The following SVEP1 variants were observed in gnomAD, a reference collection of about 807,000 sequenced individuals.
SVEP1 encodes sushi, von Willebrand factor type A, EGF and pentraxin domain-containing protein 1.
In SVEP1, 164 loss-of-function variants were observed where a neutral mutation model predicts 367.3. The ratio of observed to expected loss-of-function variants is 0.45; its 90% CI spans 0.39 to 0.51. The LOEUF is 0.51. Ranked by LOEUF, SVEP1 falls within the 20% of genes least tolerant of loss-of-function variation. The pLI is 0.00. For synonymous variants in SVEP1, 1,666 were observed against 1,611.6 expected (o/e 1.03, Z -0.81); for missense variants, 4,117 against 4,425.3 (o/e 0.93, Z 1.98).
At chr9:110,458,311 A>G (rs947898927) in intron 20 of SVEP1, among the ~76,000 whole-genome samples, 160 bp downstream of exon 20, 1 of 152,260 alleles carries the variant, frequency 6.6e-6, no homozygotes, top group Non-Finnish European at 1.5e-5. Flanking sequence ...GGAATGTTCT[A>G]AACAGGAGTC....
chr9:110,390,282 TATAC>T (rs1827626082), intron 40 of SVEP1, among the ~76,000 whole-genome samples: 5 of 42,474 alleles, frequency 1.2e-4, no homozygotes, highest in South Asian at 6.2e-4. Context: ...TACTTATATA[TATAC>T]ATACTTATAT....
chr9:110,526,815 C>T (rs1829945058), intron 3 of SVEP1, among the ~76,000 whole-genome samples: 1 of 152,026 alleles, frequency 6.6e-6, no homozygotes. Context: ...AACTGTGGTA[C>T]ATTTATACTA....
rs771866353 is a variant in SVEP1, at chr9:110,443,581, C to T, written c.4603G>A (p.Gly1535Ser). The T allele has an allele frequency of 1.5e-5, 24 of 1,611,866 alleles. No homozygotes were observed. Among genetic ancestry groups the T allele is most frequent in the African/African-American group, 4.0e-5 (3 of 74,856 alleles). ...AAACCAACAGAGAGGCCAGCACCACCGTCAGATAATTTCCCATCGATATAG... is the reference window on the plus strand; with the variant it reads ...AAACCAACAGAGAGGCCAGCACCACTGTCAGATAATTTCCCATCGATATAG... ...KVYIDGKLSD[G>S]GAGLSVGLPI... Residue 1535 changes from glycine to serine, a missense_variant, in exon 27 of 48, where the codon GGT becomes AGT. Physicochemically the swap from Gly to Ser is moderately conservative, Grantham distance 56 (BLOSUM62 0). Transcript: ENST00000374469.
rs748176875 is a variant in SVEP1, at chr9:110,499,187, T to C, written c.1535A>G (p.His512Arg). ...TTTGGCTGGCTGCTTGCCACAGTTG[T>C]GGGGGGATATGATGACATCTTTGGG... ...QMPKDVIISP[H>R]NCGKQPAKFG... The change falls in exon 7 of 48, where the codon CAC becomes CGC. Residue 512 changes from histidine to arginine, a missense_variant. His to Arg is a conservative substitution (Grantham distance 29). Around this residue, in one of 4 missense-constraint regions of SVEP1, gnomAD observed 2,174 missense variants for 2,494.3 expected, o/e 0.87. Transcript: ENST00000374469. 1.2e-6 allele frequency: 2 copies of C among 1,613,268 alleles called. No homozygotes were observed. The highest frequency in any genetic ancestry group is 2.7e-5 in the African/African-American group (2 of 74,830).
At chr9:110,397,892 AATATCATGAAAATGGCCATGCTGCC>A (rs1324869552) in intron 40 of SVEP1, among the ~76,000 whole-genome samples, 1 of 152,038 alleles carries the variant, frequency 6.6e-6, no homozygotes, top group Non-Finnish European at 1.5e-5. Context: ...AGGAAGAATC[AATATCATGAAAATGGCCATGCTGCC>A]CAAGGTAATT....
At chr9:110,454,581 G>C (rs930146053) in intron 22 of SVEP1, among the ~76,000 whole-genome samples, 1 of 152,194 alleles carries the variant, frequency 6.6e-6, no homozygotes, top group Admixed American at 6.5e-5. Context: ...TGGTGGATTA[G>C]ATAAAGAAAA....
intron 40 of SVEP1, among the ~76,000 whole-genome samples, chr9:110,390,109 GTA>G (rs1364915106): frequency 2.9e-5 from 3 of 102,872 alleles, no homozygotes; most frequent in African/African-American, 1.1e-4. Flanking sequence ...ACTTATATAA[GTA>G]TATATACATA....
chr9:110,522,930 A>G (rs1002110750), intron 3 of SVEP1, among the ~76,000 whole-genome samples: 2 of 152,182 alleles, frequency 1.3e-5, no homozygotes, highest in South Asian at 2.1e-4. Flanking sequence ...ACCTCCATAC[A>G]TAGGTTGCCT....
intron 1 of SVEP1, among the ~76,000 whole-genome samples, chr9:110,572,103 A>T (rs28424261): frequency 7.3e-6 from 1 of 136,276 alleles, no homozygotes; most frequent in Admixed American, 8.0e-5. Flanking sequence ...AAGGTAATAT[A>T]GTAAGATATA....
chr9:110,390,142 T>TAC (rs1827615952), intron 40 of SVEP1, among the ~76,000 whole-genome samples: 1 of 93,276 alleles, frequency 1.1e-5, no homozygotes, highest in Non-Finnish European at 2.3e-5. Flanking sequence ...TAAGTATATA[T>TAC]ACAAGTATAT....
chr9:110,410,987 A>G, intron 37 of SVEP1, 76 bp downstream of exon 37: 2 of 1,364,360 alleles, frequency 1.5e-6, no homozygotes, highest in Non-Finnish European at 2.0e-6. Flanking sequence ...TTTGGACTCA[A>G]TTATTTGTTT....
Position 110,429,156 on chromosome 9 carries a change from C to A in SVEP1, c.5794G>T (p.Asp1932Tyr). ...TACAAATGTTACCTGTATCCTGTAT[C>A]GCATGAATATGATGCAGTAGAAAGG... ...TYLSTASYSC[D>Y]TGYSLQGPSI... is the part of the protein sequence containing the mutation. The change falls in exon 35 of 48, where the codon GAT (aspartate) becomes TAT (tyrosine). Residue 1932 changes from aspartate (D) to tyrosine (Y), a missense_variant. Physicochemically the swap from Asp to Tyr is radical, Grantham distance 160. This residue lies in a region of SVEP1 where 2,174 missense variants were observed against 2,494.3 expected (regional missense o/e 0.87). Transcript: ENST00000374469. 6.3e-7 allele frequency: 1 copy of A among 1,591,690 alleles called. No homozygotes were observed. The highest frequency in any genetic ancestry group is 8.6e-7 in the Non-Finnish European group (1 of 1,168,728).
chr9:110,411,432 G>T lies in SVEP1; in HGVS notation c.6279C>A (p.Ile2093=), dbSNP rs1289537857. 2 of 1,614,018 alleles carry T rather than the reference G, an allele frequency of 1.2e-6. No homozygotes were observed. Among genetic ancestry groups the T allele is most frequent in the Admixed American group, 3.3e-5 (2 of 60,016 alleles). The change falls in exon 37 of 48, where the codon ATC becomes ATA. Residue 2093 remains isoleucine (I), a synonymous_variant. Coordinates refer to ENST00000374469, the MANE Select transcript of SVEP1 (RefSeq NM_153366.4). ...ATTTTGCTTTGCTCACAGATTCCAAGATGCTATAGGAAACCGATGGAGGTT... is the reference window on the plus strand; with the variant it reads ...ATTTTGCTTTGCTCACAGATTCCAATATGCTATAGGAAACCGATGGAGGTT... ...CEKPPSVSYS[I]LESVSKAKFA...
chr9:110,441,183 C>T (rs563515017), intron 27 of SVEP1, among the ~76,000 whole-genome samples: 180 of 152,164 alleles, frequency 1.2e-3, no homozygotes, highest in African/African-American at 3.8e-3. Flanking sequence ...TGATAGACCA[C>T]GTTTTAAATT....
intron 36 of SVEP1, among the ~76,000 whole-genome samples, chr9:110,415,936 C>T (rs547657861): frequency 1.8e-4 from 27 of 152,056 alleles, no homozygotes; most frequent in Non-Finnish European, 3.2e-4. Flanking sequence ...GTCTGTACCT[C>T]ATGTGGATTG....
chr9:110,498,730 A>G (rs918001778), intron 7 of SVEP1, among the ~76,000 whole-genome samples: 11 of 152,184 alleles, frequency 7.2e-5, no homozygotes, highest in Non-Finnish European at 1.6e-4. Flanking sequence ...TTGAAAATCA[A>G]TTCAGTCTCA....
chr9:110,540,229 C>T (rs1482733982), intron 3 of SVEP1, among the ~76,000 whole-genome samples: 1 of 151,992 alleles, frequency 6.6e-6, no homozygotes, highest in Admixed American at 6.6e-5. Flanking sequence ...GACAGTCATA[C>T]TAGTAACAGA....
rs1246207605 is a variant in SVEP1, at chr9:110,406,331, C to A, written c.9269G>T (p.Cys3090Phe). Reference sequence around the variant, plus strand: ...GCCTTGTATGACATATCCAGACCTGCAGCTGTAAGTTATCACATTTTCCTT... The same window carrying A: ...GCCTTGTATGACATATCCAGACCTGAAGCTGTAAGTTATCACATTTTCCTT... The part of the protein sequence containing the change: ...SWKENVITYS[C>F]RSGYVIQGSS... Residue 3090 changes from cysteine to phenylalanine, a missense_variant, in exon 38 of 48, where the codon TGC becomes TTC. Around this residue, in one of 4 missense-constraint regions of SVEP1, gnomAD observed 1,765 missense variants for 1,781.1 expected, o/e 0.99. Coordinates refer to ENST00000374469, the MANE Select transcript of SVEP1 (RefSeq NM_153366.4). 2 of 1,614,052 alleles carry A rather than the reference C, an allele frequency of 1.2e-6. No homozygotes were observed.
At chr9:110,367,350 G>C (rs1341043393) in intron 47 of SVEP1, among the ~76,000 whole-genome samples, 2 of 152,052 alleles carry the variant, frequency 1.3e-5, no homozygotes, top group Non-Finnish European at 2.9e-5. Flanking sequence ...TTTTTGTAGA[G>C]ATGGGATCTT....
Sources: gnomAD v4.1 joint callset for allele counts (sites outside exome capture counted in the v4.1 genomes callset) on GRCh38, gnomAD v4.1.1 for gene constraint, gnomAD v4.1.1 regional missense constraint, MANE v1.5 for transcripts, NCBI Gene and HGNC (gene_info 2026-07-23, HGNC 2026-07-21) for gene names.